The following SLC10A7 variants were observed in gnomAD, a reference collection of about 807,000 sequenced individuals.
SLC10A7 encodes solute carrier family 10 member 7, also known as sodium/bile acid cotransporter 7.
A neutral mutation model predicts 43.2 loss-of-function variants in SLC10A7; 29 were observed. The observed-to-expected ratio is 0.67, with a 90% CI of 0.50 to 0.92. The LOEUF (loss-of-function observed/expected upper bound fraction) is 0.92, where lower values mean the gene tolerates loss of function less well. Among genes scored for constraint, SLC10A7 ranks in the 40% least tolerant of loss-of-function variants. The pLI is 0.00. For synonymous variants in SLC10A7, 152 were observed against 144.8 expected (o/e 1.05, Z -0.35); for missense variants, 295 against 403.2 (o/e 0.73, Z 2.30).
chr4:146,508,912 C>A (rs576173635), intron 3 of SLC10A7, among the ~76,000 whole-genome samples: 1 of 152,304 alleles, frequency 6.6e-6, no homozygotes, highest in South Asian at 2.1e-4. Flanking sequence ...TTCCTGCCTA[C>A]TTTTATACCG....
At chr4:146,349,504 A>G (rs1488739685) in intron 5 of SLC10A7, among the ~76,000 whole-genome samples, 1 of 152,222 alleles carries the variant, frequency 6.6e-6, no homozygotes. Flanking sequence ...CAATCCCATT[A>G]CTGGGCATAC....
intron 5 of SLC10A7, among the ~76,000 whole-genome samples, chr4:146,389,543 T>C (rs1035105007): frequency 6.6e-6 from 1 of 152,218 alleles, no homozygotes. Flanking sequence ...TACAGCAGCC[T>C]GAACCAACTA....
intron 10 of SLC10A7, among the ~76,000 whole-genome samples, chr4:146,262,532 T>C (rs550903230): frequency 6.6e-5 from 10 of 152,340 alleles, no homozygotes; most frequent in African/African-American, 2.2e-4. Flanking sequence ...GCATCTCTTA[T>C]TCCAGAAGAC....
chr4:146,260,651 T>C (rs1468390499), intron 10 of SLC10A7, among the ~76,000 whole-genome samples: 1 of 152,182 alleles, frequency 6.6e-6, no homozygotes, highest in East Asian at 1.9e-4. Context: ...CTGAAGCACC[T>C]AGTGGTCAGG....
chr4:146,331,231 T>C (rs1262873448), intron 5 of SLC10A7, among the ~76,000 whole-genome samples: 3 of 152,114 alleles, frequency 2.0e-5, no homozygotes, highest in African/African-American at 7.2e-5. Context: ...TGACCAAAAC[T>C]TGGAAATGAG....
At chr4:146,476,505 A>C (rs752415776) in intron 4 of SLC10A7, among the ~76,000 whole-genome samples, 8 of 151,980 alleles carry the variant, frequency 5.3e-5, no homozygotes, top group Non-Finnish European at 1.0e-4. Context: ...GTGTGTGTGC[A>C]TGTGCATGTG....
intron 10 of SLC10A7, 59 bp from the exon 11 acceptor site, chr4:146,258,896 G>T: frequency 1.3e-6 from 2 of 1,542,818 alleles, no homozygotes; most frequent in African/African-American, 1.4e-5. Context: ...CAAATTAAAT[G>T]CATACTCCAT....
At chr4:146,280,939 G>T (rs1446397885) in intron 10 of SLC10A7, among the ~76,000 whole-genome samples, 1 of 152,088 alleles carries the variant, frequency 6.6e-6, no homozygotes, top group East Asian at 1.9e-4. Flanking sequence ...GAGTATTTAG[G>T]TCTTATAATT....
intron 5 of SLC10A7, among the ~76,000 whole-genome samples, chr4:146,385,537 TACA>T (rs1304669657): frequency 6.6e-6 from 1 of 152,158 alleles, no homozygotes; most frequent in Non-Finnish European, 1.5e-5. Flanking sequence ...GCTTATTGAT[TACA>T]GATGTTTCTC....
chr4:146,374,194 G>A (rs1043740362), intron 5 of SLC10A7, among the ~76,000 whole-genome samples: 6 of 152,102 alleles, frequency 3.9e-5, no homozygotes, highest in South Asian at 2.1e-4. Flanking sequence ...ACCTCACAGC[G>A]TTTTGTCGAG....
At chr4:146,368,321 TATCTG>T (rs1263668792) in intron 5 of SLC10A7, among the ~76,000 whole-genome samples, 1 of 152,048 alleles carries the variant, frequency 6.6e-6, no homozygotes, top group African/African-American at 2.4e-5. Context: ...AGCATGAGAG[TATCTG>T]GCTGCAGAAA....
intron 5 of SLC10A7, among the ~76,000 whole-genome samples, chr4:146,408,367 T>C (rs539699482): frequency 2.6e-5 from 4 of 152,114 alleles, no homozygotes; most frequent in South Asian, 4.2e-4. Flanking sequence ...GGGGGCAACA[T>C]GGTGAAACTC....
chr4:146,288,542 A>G (rs1730189883), intron 9 of SLC10A7, among the ~76,000 whole-genome samples: 1 of 152,180 alleles, frequency 6.6e-6, no homozygotes, highest in African/African-American at 2.4e-5. Flanking sequence ...TAAAACCAAA[A>G]ACACTACAAA....
intron 5 of SLC10A7, among the ~76,000 whole-genome samples, chr4:146,349,973 C>T (rs2200474): frequency 0.14 from 20,904 of 151,906 alleles, 1,481 homozygotes; most frequent in Non-Finnish European, 0.15. Context: ...CATGTACCCC[C>T]ACAAATCTAA....
At chr4:146,439,987 T>C (rs1001667018) in intron 5 of SLC10A7, among the ~76,000 whole-genome samples, 51 of 152,346 alleles carry the variant, frequency 3.3e-4, no homozygotes, top group African/African-American at 1.2e-3. Flanking sequence ...AATTTCTCCC[T>C]GAAGCCTTCT....
intron 4 of SLC10A7, among the ~76,000 whole-genome samples, chr4:146,487,137 C>G (rs773682424): frequency 6.6e-6 from 1 of 152,160 alleles, no homozygotes; most frequent in Non-Finnish European, 1.5e-5. Flanking sequence ...AGTTTGAGTA[C>G]CTTAACCACA....
At chr4:146,477,294 T>C (rs1734110199) in intron 4 of SLC10A7, among the ~76,000 whole-genome samples, 1 of 152,226 alleles carries the variant, frequency 6.6e-6, no homozygotes, top group Non-Finnish European at 1.5e-5. Flanking sequence ...TATGATTACA[T>C]CTCAGGAAAA....
At position 146,462,650 on chromosome 4, in the gene SLC10A7, C is replaced by G. The variant is rs559521030; in HGVS notation, c.397-19829G>C. Among the ~76,000 whole-genome samples, 6 of 152,222 alleles carry G rather than the reference C, an allele frequency of 3.9e-5. No homozygotes were observed. In the South Asian group the frequency reaches 1.0e-3, roughly 26 times the overall value. ...GTCAGTAAGCAGTGAAGCACTAAAT[C>G]GACTTCAAATTCTTATTAAGGTTAT... On this transcript the variant is annotated intron_variant, in intron 4 of 11. Coordinates refer to ENST00000335472, the MANE Select transcript of SLC10A7 (RefSeq NM_001029998.6).
chr4:146,396,181 C>T lies in SLC10A7; in HGVS notation c.435+46602G>A, dbSNP rs115866835. ...GACATTTTGTTCCCTAACTGAATCA[C>T]CCTGCTTGGTTCAAGTCTTTGACTA... On this transcript the variant is annotated intron_variant, in intron 5 of 11. Transcript: ENST00000335472. Among the ~76,000 whole-genome samples, 442 of 152,206 alleles carry T rather than the reference C, an allele frequency of 2.9e-3. 3 individuals carry two copies. The highest frequency in any genetic ancestry group is 6.8e-3 in the Middle Eastern group (2 of 294).
Sources: gnomAD v4.1 joint callset for allele counts (sites outside exome capture counted in the v4.1 genomes callset) on GRCh38, gnomAD v4.1.1 for gene constraint, MANE v1.5 for transcripts, NCBI Gene and HGNC (gene_info 2026-07-23, HGNC 2026-07-21) for gene names.